Variants in USP34 observed in about 807,000 individuals in gnomAD.
USP34 encodes ubiquitin carboxyl-terminal hydrolase 34.
Under a neutral mutation model 460.3 loss-of-function variants are expected in USP34, and 70 were observed. That is an observed-to-expected ratio of 0.15 (90% CI 0.13 to 0.19). The LOEUF (loss-of-function observed/expected upper bound fraction) is 0.19, where lower values mean the gene tolerates loss of function less well. Among genes scored for constraint, USP34 ranks in the 10% least tolerant of loss-of-function variants. USP34 has a pLI of 1.00. For synonymous variants in USP34, 1,647 were observed against 1,405.3 expected (o/e 1.17, Z -3.85); for missense variants, 3,985 against 4,236.2 (o/e 0.94, Z 1.65).
At chr2:61,373,616 T>C (rs1692698459) in intron 8 of USP34, among the ~76,000 whole-genome samples, 1 of 151,904 alleles carries the variant, frequency 6.6e-6, no homozygotes, top group Non-Finnish European at 1.5e-5. Context: ...ACAAAAGAAT[T>C]CCTGAAATAC....
At chr2:61,247,271 C>G (rs1209038987) in intron 49 of USP34, among the ~76,000 whole-genome samples, 1 of 152,110 alleles carries the variant, frequency 6.6e-6, no homozygotes, top group Non-Finnish European at 1.5e-5. Flanking sequence ...TGAGATCTGG[C>G]TGACTTGAGG....
chr2:61,334,121 A>G (rs1350552527), intron 18 of USP34, 150 bp from the exon 19 acceptor site: 1 of 516,032 alleles, frequency 1.9e-6, no homozygotes, highest in African/African-American at 2.0e-5. Context: ...TCAGAAGTAT[A>G]AATTCATTTT....
Position 61,379,579 on chromosome 2 carries a change from C to G in USP34, c.1014+590G>C, listed in dbSNP as rs1341152392. ...TGTAAAGGAGTAAAGCAAATGGGGA[C>G]TGCAACAAACCGGAGAAAGCATATT... is the stretch of plus-strand genomic sequence containing the variant. On this transcript the variant is annotated intron_variant, in intron 7 of 79. Transcript: ENST00000398571. 2.6e-5 allele frequency among the ~76,000 whole-genome samples: 4 copies of G among 152,232 alleles called. 1 individual carries two copies. The East Asian group carries it at 7.7e-4, about 29-fold the overall frequency.
intron 69 of USP34, 85 bp from the exon 70 acceptor site, chr2:61,209,062 C>A: frequency 1.2e-6 from 1 of 807,144 alleles, no homozygotes; most frequent in Non-Finnish European, 1.8e-6. Context: ...GAAATAAAAT[C>A]ATCATTTAAG....
At chr2:61,299,140 T>C (rs1389581850) in intron 29 of USP34, among the ~76,000 whole-genome samples, 2 of 151,134 alleles carry the variant, frequency 1.3e-5, no homozygotes, top group Admixed American at 6.6e-5. Flanking sequence ...GAATGTACCA[T>C]CACGTGAGAA....
chr2:61,352,694 A>C (rs865975805), intron 10 of USP34, among the ~76,000 whole-genome samples: 50 of 143,852 alleles, frequency 3.5e-4, no homozygotes, highest in South Asian at 1.2e-3. Context: ...AAAAAAAAAA[A>C]CCCACTCTTT....
intron 48 of USP34, among the ~76,000 whole-genome samples, chr2:61,254,371 TAGA>T (rs1688664808): frequency 6.6e-6 from 1 of 152,232 alleles, no homozygotes; most frequent in Non-Finnish European, 1.5e-5. Flanking sequence ...GATATTCTGA[TAGA>T]TTCAATCACA....
intron 15 of USP34, among the ~76,000 whole-genome samples, chr2:61,347,189 A>G (rs550331159): frequency 3.1e-4 from 47 of 152,174 alleles, no homozygotes; most frequent in Non-Finnish European, 6.0e-4. Context: ...ATTTTAAAGA[A>G]TTAAAGGGTG....
chr2:61,340,019 A>G (rs1352358672), intron 16 of USP34, among the ~76,000 whole-genome samples: 6 of 152,122 alleles, frequency 3.9e-5, no homozygotes, highest in Admixed American at 6.5e-5. Context: ...TAGATTTGAT[A>G]AGGCTAAAGT....
At chr2:61,249,320 G>T (rs191419009) in intron 48 of USP34, among the ~76,000 whole-genome samples, 14 of 152,278 alleles carry the variant, frequency 9.2e-5, no homozygotes, top group Non-Finnish European at 1.3e-4. Flanking sequence ...TAACCAAAAG[G>T]GCCACTAAGT....
At chr2:61,363,687 G>GC (rs1439461523) in intron 10 of USP34, among the ~76,000 whole-genome samples, 1 of 152,074 alleles carries the variant, frequency 6.6e-6, no homozygotes, top group Non-Finnish European at 1.5e-5. Flanking sequence ...ACTGAAACAT[G>GC]GTTATACAAC....
At chr2:61,407,022 A>G (rs1017638394) in intron 2 of USP34, among the ~76,000 whole-genome samples, 1 of 152,144 alleles carries the variant, frequency 6.6e-6, no homozygotes, top group African/African-American at 2.4e-5. Context: ...AAAAAAAAGT[A>G]TTACAAACAA....
intron 1 of USP34, among the ~76,000 whole-genome samples, chr2:61,466,362 C>A (rs1033553170): frequency 1.1e-4 from 16 of 151,594 alleles, no homozygotes; most frequent in African/African-American, 3.9e-4. Context: ...GAAGCGGAGG[C>A]TGTAGTGACC....
intron 10 of USP34, among the ~76,000 whole-genome samples, chr2:61,351,786 A>G (rs779038978): frequency 5.9e-5 from 9 of 152,288 alleles, no homozygotes; most frequent in Admixed American, 2.6e-4. Context: ...GGCTTCTTAT[A>G]AATTACACTA....
intron 51 of USP34, among the ~76,000 whole-genome samples, chr2:61,244,570 G>A (rs922100220): frequency 2.0e-5 from 3 of 150,918 alleles, no homozygotes; most frequent in South Asian, 2.1e-4. Context: ...AGCCGAGATC[G>A]CGCCACTGAC....
intron 75 of USP34, chr2:61,200,536 A>G (rs904362972): frequency 1.3e-5 from 2 of 152,320 alleles, no homozygotes; most frequent in African/African-American, 2.4e-5. Context: ...TCAGTTGCCC[A>G]TATAAAAATT....
At chr2:61,212,015 C>T in intron 68 of USP34, 86 bp from the exon 69 acceptor site, 1 of 1,371,678 alleles carries the variant, frequency 7.3e-7, no homozygotes, top group Admixed American at 2.8e-5. Context: ...CATTAATCAA[C>T]TCTTAAAATT....
chr2:61,337,626 A>AT (rs1221809179), intron 18 of USP34, among the ~76,000 whole-genome samples: 3 of 151,820 alleles, frequency 2.0e-5, no homozygotes, highest in East Asian at 1.9e-4. Flanking sequence ...GGATACTTTT[A>AT]TTTGTATTTT....
intron 32 of USP34, among the ~76,000 whole-genome samples, chr2:61,294,344 T>C (rs1187356035): frequency 2.5e-5 from 3 of 118,092 alleles, no homozygotes; most frequent in Non-Finnish European, 5.3e-5. Context: ...AGACTCCATT[T>C]CAAAAAAAAA....
Sources: allele counts gnomAD v4.1 joint callset (sites outside exome capture counted in the v4.1 genomes callset), GRCh38; gene constraint gnomAD v4.1.1; transcripts MANE v1.5; gene names NCBI Gene and HGNC (gene_info 2026-07-23, HGNC 2026-07-21).